HECTD2: variants seen among roughly 807,000 people sequenced by gnomAD.
HECTD2 encodes HECT domain E3 ubiquitin protein ligase 2.
Under a neutral mutation model 103.2 loss-of-function variants are expected in HECTD2, and 35 were observed. That is an observed-to-expected ratio of 0.34 (90% CI 0.26 to 0.45). The LOEUF (loss-of-function observed/expected upper bound fraction) is 0.45, where lower values mean the gene tolerates loss of function less well. HECTD2 is among the 20% of genes least tolerant of loss of function. The pLI, the probability that HECTD2 is intolerant of heterozygous loss-of-function variation, is 1.00. For missense variants in HECTD2, 596 were observed against 937.4 expected, an observed-to-expected ratio of 0.64 and a Z score of 4.76; for synonymous variants, 281 against 329.9, an observed-to-expected ratio of 0.85 and a Z score of 1.61.
chr10:91,510,748 T>C (rs1275921467), intron 20 of HECTD2, among the ~76,000 whole-genome samples: 1 of 152,238 alleles, frequency 6.6e-6, no homozygotes, highest in South Asian at 2.1e-4. Context: ...TTTTTTTCTT[T>C]GCTTTGTTAT....
chr10:91,481,184 A>G (rs369464809), intron 7 of HECTD2, 45 bp downstream of exon 7: 3 of 960,784 alleles, frequency 3.1e-6, no homozygotes, highest in Non-Finnish European at 4.8e-6. Flanking sequence ...GTCAGATCTC[A>G]ATCCCTACAT....
intron 2 of HECTD2, among the ~76,000 whole-genome samples, chr10:91,437,205 T>C (rs1844156276): frequency 6.6e-6 from 1 of 151,950 alleles, no homozygotes; most frequent in African/African-American, 2.4e-5. Flanking sequence ...AAAGCTCATC[T>C]TGGTTCTCCT....
chr10:91,482,717 G>A (rs894092216), intron 7 of HECTD2, among the ~76,000 whole-genome samples: 7 of 151,966 alleles, frequency 4.6e-5, no homozygotes, highest in African/African-American at 9.7e-5. Flanking sequence ...ATGCCTAAGG[G>A]CATATAGCTA....
At chr10:91,418,446 T>G (rs2132992483) in intron 1 of HECTD2, among the ~76,000 whole-genome samples, 1 of 152,276 alleles carries the variant, frequency 6.6e-6, no homozygotes, top group South Asian at 2.1e-4. Flanking sequence ...TGATTTTTTT[T>G]TGTGACAAAA....
chr10:91,472,143 T>A (rs1009350529), intron 5 of HECTD2, among the ~76,000 whole-genome samples: 6 of 152,018 alleles, frequency 3.9e-5, no homozygotes, highest in African/African-American at 1.4e-4. Context: ...ATAGAGAGCC[T>A]AGAACTGATG....
At chr10:91,495,205 G>A (rs75339987) in intron 14 of HECTD2, among the ~76,000 whole-genome samples, 2,174 of 152,074 alleles carry the variant, frequency 0.014, 47 homozygotes, top group African/African-American at 0.049. Context: ...GTCAGGTAAG[G>A]AGTTGGGAAC....
chr10:91,436,652 G>A (rs988620207), intron 2 of HECTD2, among the ~76,000 whole-genome samples: 1 of 151,974 alleles, frequency 6.6e-6, no homozygotes, highest in African/African-American at 2.4e-5. Context: ...GTCATGTAGT[G>A]GCAAGGAAGA....
At chr10:91,510,420 C>T (rs1438182489) in intron 20 of HECTD2, among the ~76,000 whole-genome samples, 1 of 152,138 alleles carries the variant, frequency 6.6e-6, no homozygotes, top group Non-Finnish European at 1.5e-5. Flanking sequence ...GTTATTGAAG[C>T]CCCTGATGGA....
At chr10:91,476,829 G>T (rs1845920726) in intron 5 of HECTD2, among the ~76,000 whole-genome samples, 1 of 152,192 alleles carries the variant, frequency 6.6e-6, no homozygotes, top group Non-Finnish European at 1.5e-5. Context: ...TTTGGCTGGG[G>T]TGTGGTCGTC....
chr10:91,412,628 TTTA>T (rs1253526263), intron 1 of HECTD2, among the ~76,000 whole-genome samples: 8 of 150,222 alleles, frequency 5.3e-5, no homozygotes, highest in African/African-American at 2.0e-4. Flanking sequence ...TTATTTATTT[TTTA>T]AAAAAAAAAA....
chr10:91,511,662 C>G (rs998031603), intron 20 of HECTD2, among the ~76,000 whole-genome samples: 13 of 152,038 alleles, frequency 8.6e-5, no homozygotes, highest in Non-Finnish European at 1.9e-4. Flanking sequence ...ATTCCTTGCA[C>G]GTGCAGTTCA....
At chr10:91,450,961 C>A (rs941719481) in intron 2 of HECTD2, among the ~76,000 whole-genome samples, 1 of 152,058 alleles carries the variant, frequency 6.6e-6, no homozygotes, top group Non-Finnish European at 1.5e-5. Context: ...GGTGATTCCT[C>A]AAGAATCTAG....
At chr10:91,423,468 C>T (rs1274316099) in intron 1 of HECTD2, among the ~76,000 whole-genome samples, 4 of 151,988 alleles carry the variant, frequency 2.6e-5, no homozygotes, top group Non-Finnish European at 5.9e-5. Context: ...AATCAAGGAC[C>T]AAGCAAAAAC....
chr10:91,450,084 A>C (rs967526347), intron 2 of HECTD2, among the ~76,000 whole-genome samples: 1 of 152,192 alleles, frequency 6.6e-6, no homozygotes, highest in Non-Finnish European at 1.5e-5. Flanking sequence ...AATCCTAAGC[A>C]AAAAGAACAA....
intron 1 of HECTD2, among the ~76,000 whole-genome samples, chr10:91,418,818 G>C (rs1314863478): frequency 6.6e-6 from 1 of 152,172 alleles, no homozygotes; most frequent in South Asian, 2.1e-4. Flanking sequence ...TGGTAAAGTA[G>C]GGTATCTTAA....
chr10:91,418,695 C>T (rs2132994232), intron 1 of HECTD2, among the ~76,000 whole-genome samples: 1 of 152,072 alleles, frequency 6.6e-6, no homozygotes, highest in Middle Eastern at 3.4e-3. Flanking sequence ...AAAAGAGAAA[C>T]AAAATATCTT....
intron 19 of HECTD2, 151 bp downstream of exon 19, chr10:91,500,768 CTA>C: frequency 2.2e-6 from 1 of 456,310 alleles, no homozygotes; most frequent in Non-Finnish European, 3.8e-6. Context: ...TCTGGAAAGT[CTA>C]TGAGAATTTT....
chr10:91,471,258 A>T (rs1439149402), intron 5 of HECTD2, among the ~76,000 whole-genome samples: 1 of 152,214 alleles, frequency 6.6e-6, no homozygotes, highest in Non-Finnish European at 1.5e-5. Context: ...AAGGCTTTTG[A>T]TAAAATTCAG....
At chr10:91,465,757 C>T (rs1233381711) in intron 5 of HECTD2, among the ~76,000 whole-genome samples, 1 of 152,024 alleles carries the variant, frequency 6.6e-6, no homozygotes, top group Non-Finnish European at 1.5e-5. Context: ...GGTGTTGAAC[C>T]AGACTTGCAT....
Sources: allele counts gnomAD v4.1 joint callset (sites outside exome capture counted in the v4.1 genomes callset), GRCh38; gene constraint gnomAD v4.1.1; transcripts MANE v1.5; gene names NCBI Gene and HGNC (gene_info 2026-07-23, HGNC 2026-07-21).